The following SCYL1 variants were observed in gnomAD, a reference collection of about 807,000 sequenced individuals.
SCYL1 encodes the protein SCY1 like pseudokinase 1.
Under a neutral mutation model 94.8 loss-of-function variants are expected in SCYL1, and 85 were observed. That is an observed-to-expected ratio of 0.90 (90% confidence interval 0.75 to 1.07). The LOEUF (loss-of-function observed/expected upper bound fraction) is 1.07, where lower values mean the gene tolerates loss of function less well. SCYL1 is among the 50% of genes least tolerant of loss of function. The pLI, the probability that SCYL1 is intolerant of heterozygous loss-of-function variation, is 0.00. For missense variants in SCYL1, 968 were observed against 1,083.3 expected, an observed-to-expected ratio of 0.89 and a Z score of 1.49; for synonymous variants, 459 against 435.5, an observed-to-expected ratio of 1.05 and a Z score of -0.67.
At position 65,538,117 on chromosome 11, in the gene SCYL1, G is replaced by C. The variant is rs1855796490; in HGVS notation, c.2182G>C (p.Gly728Arg). 6.2e-7 allele frequency: 1 copy of C among 1,603,824 alleles called. No individual in the cohort carries two copies. The highest frequency in any genetic ancestry group is 8.5e-7 in the Non-Finnish European group (1 of 1,175,826). ...ACGGCTGGCCAGCGAGTATAACTGG[G>C]GTGGCCCAGAGTCCAGCGACAAGGG... is the stretch of plus-strand genomic sequence containing the variant. ...GTRLASEYNW[G>R]GPESSDKGDP... The change falls in exon 16 of 18, where the codon GGT (glycine) becomes CGT (arginine). Residue 728 changes from glycine (G) to arginine (R), a missense_variant. By Grantham distance (125) the Gly-to-Arg change is moderately radical. This residue lies in a region of SCYL1 where 474 missense variants were observed against 463.6 expected (regional missense o/e 1.02). Coordinates refer to ENST00000270176, the MANE Select transcript of SCYL1 (RefSeq NM_020680.4).
intron 6 of SCYL1, among the ~76,000 whole-genome samples, chr11:65,528,726 A>G (rs1298235634): frequency 1.3e-5 from 2 of 152,082 alleles, no homozygotes; most frequent in African/African-American, 4.8e-5. Context: ...GCACCATTGC[A>G]CTCCAGCCTG....
In SCYL1 at chr11:65,525,088, G is replaced by C. The variant is rs1008625230; in HGVS notation, c.-66G>C. The C allele has an allele frequency of 1.3e-5, 14 of 1,076,674 alleles. No homozygotes were observed. The highest frequency in any genetic ancestry group is 3.5e-5 in the South Asian group (1 of 28,548). 66.7% of individuals were successfully genotyped at this position (1,076,674 alleles called of 1,614,324 possible). A position where few individuals can be genotyped will look rare whatever the true frequency, so the allele number is the denominator to read the frequency against. The stretch of plus-strand genomic sequence containing the variant: ...GCAGGCCCCGCCCCCTCTCCGCCCC[G>C]CCCCGGCTCGGGCGGCCGGAGGACC... On this transcript the variant is annotated 5_prime_UTR_variant, in exon 1 of 18. Transcript: ENST00000270176.
chr11:65,537,905 G>A (rs764288885), intron 15 of SCYL1, 25 bp downstream of exon 15: 1 of 1,580,830 alleles, frequency 6.3e-7, no homozygotes, highest in Non-Finnish European at 8.6e-7. Context: ...GTGGGGAGGT[G>A]TGTGTATGGG....
intron 9 of SCYL1, 120 bp downstream of exon 9, chr11:65,532,925 G>A (rs1855459124): frequency 1.4e-6 from 1 of 734,204 alleles, no homozygotes; most frequent in East Asian, 2.7e-5. Context: ...TCCTTGCTGT[G>A]TGGGTTCAGG....
At position 65,536,643 on chromosome 11, in the gene SCYL1, C is replaced by T. The variant is rs1590742391; in HGVS notation, c.1709C>T (p.Ala570Val). 1.2e-6 allele frequency: 2 copies of T among 1,614,124 alleles called. No individual in the cohort carries two copies. The highest frequency in any genetic ancestry group is 1.7e-6 in the Non-Finnish European group (2 of 1,179,990). The change falls in exon 13 of 18, where the codon GCA becomes GTA. Residue 570 changes from alanine (A) to valine (V), a missense_variant. This residue lies in a region of SCYL1 where 474 missense variants were observed against 463.6 expected (regional missense o/e 1.02). Transcript: ENST00000270176. ...PGMGGAAASW[A>V]GWAVTGVSSL... ...ATGGGAGGAGCCGCAGCTAGCTGGG[C>T]AGGCTGGGCCGTGACCGGGGTCTCC...
intron 9 of SCYL1, among the ~76,000 whole-genome samples, chr11:65,534,297 A>T (rs1855539515): frequency 6.6e-6 from 1 of 152,196 alleles, no homozygotes; most frequent in African/African-American, 2.4e-5. Context: ...CTGTAATCCT[A>T]GCCACTCAGG....
At chr11:65,527,844 A>G (rs975028063) in intron 6 of SCYL1, among the ~76,000 whole-genome samples, 1 of 152,134 alleles carries the variant, frequency 6.6e-6, no homozygotes, top group African/African-American at 2.4e-5. Context: ...GACAAGGGAG[A>G]CTCAACCTGT....
intron 6 of SCYL1, among the ~76,000 whole-genome samples, chr11:65,529,325 GC>G: frequency 6.6e-6 from 1 of 152,324 alleles, no homozygotes; most frequent in South Asian, 2.1e-4. Flanking sequence ...TCCTCGTACG[GC>G]TGGCTCTGCC....
rs768787548 is a variant in SCYL1, at chr11:65,537,078, G to A, written c.1909G>A (p.Asp637Asn). ...GGAGGAGGACAAGGACACAGCAGAG[G>A]ACAGCAGCACTGCTGACAGATGGGA... ...TQEEDKDTAEDSSTADRWDDE... is the reference protein window; with the variant it reads ...TQEEDKDTAENSSTADRWDDE... The change falls in exon 14 of 18, where the codon GAC becomes AAC. Residue 637 changes from aspartate to asparagine, a missense_variant. By Grantham distance (23) the Asp-to-Asn change is conservative. Around this residue, in one of 2 missense-constraint regions of SCYL1, gnomAD observed 474 missense variants for 463.6 expected, o/e 1.02. Transcript: ENST00000270176. 1.2e-6 allele frequency: 2 copies of A among 1,614,174 alleles called. No homozygotes were observed. Among genetic ancestry groups the A allele is most frequent in the Non-Finnish European group, 1.7e-6 (2 of 1,179,992 alleles).
chr11:65,536,672 C>T lies in SCYL1; in HGVS notation c.1738C>T (p.Leu580Phe). 1 of 1,614,094 alleles carries T rather than the reference C, an allele frequency of 6.2e-7. No individual in the cohort carries two copies. Among genetic ancestry groups the T allele is most frequent in the South Asian group, 1.1e-5 (1 of 91,082 alleles). ...CTGGGCCGTGACCGGGGTCTCCTCA[C>T]TCACCTCCAAGCTGATCCGTTCGCA... Reference protein sequence around the residue: ...AGWAVTGVSSLTSKLIRSHPT... With the variant: ...AGWAVTGVSSFTSKLIRSHPT... Residue 580 changes from leucine to phenylalanine, a missense_variant, in exon 13 of 18, where the codon CTC becomes TTC. Leu to Phe is a conservative substitution (Grantham distance 22). Coordinates refer to ENST00000270176, the MANE Select transcript of SCYL1 (RefSeq NM_020680.4).
chr11:65,534,099 T>A (rs961183921), intron 9 of SCYL1, among the ~76,000 whole-genome samples: 12 of 151,928 alleles, frequency 7.9e-5, no homozygotes. Flanking sequence ...GGCATGGTGG[T>A]GGGCGCCTGT....
intron 2 of SCYL1, 47 bp from the exon 3 acceptor site, chr11:65,525,874 T>A: frequency 6.3e-7 from 1 of 1,597,832 alleles, no homozygotes; most frequent in Non-Finnish European, 8.5e-7. Flanking sequence ...TATCTCTCCT[T>A]CCTCTCTGCC....
chr11:65,533,661 TC>T (rs1313237574), intron 9 of SCYL1, among the ~76,000 whole-genome samples: 3 of 152,086 alleles, frequency 2.0e-5, no homozygotes, highest in African/African-American at 2.4e-5. Context: ...ACGCCTATAG[TC>T]CCAGCTACTC....
intron 12 of SCYL1, 71 bp downstream of exon 12, chr11:65,536,405 C>T: frequency 1.3e-6 from 2 of 1,530,408 alleles, no homozygotes. Context: ...GTGTCCCACC[C>T]CCACTGGAGT....
chr11:65,530,193 C>A lies in SCYL1; in HGVS notation c.850-436C>A, dbSNP rs568709237. Among the ~76,000 whole-genome samples, 9 of 152,254 alleles carry A rather than the reference C, an allele frequency of 5.9e-5. No homozygotes were observed. The East Asian group carries it at 1.5e-3, about 26-fold the overall frequency. On this transcript the variant is annotated intron_variant, in intron 6 of 17. Transcript: ENST00000270176. ...CAGGGCAGGGAAACCAAGTAAGCCC[C>A]TTCACCTCTTTGATCTTCAGTTTCC...
intron 14 of SCYL1, 113 bp from the exon 15 acceptor site, chr11:65,537,696 A>G: frequency 1.1e-6 from 1 of 889,116 alleles, no homozygotes; most frequent in Non-Finnish European, 1.7e-6. Flanking sequence ...TGAGGAGCAA[A>G]TGAGGAGGAA....
At chr11:65,525,474 G>T in intron 1 of SCYL1, 100 bp from the exon 2 acceptor site, 2 of 1,421,380 alleles carry the variant, frequency 1.4e-6, no homozygotes, top group South Asian at 2.8e-5. Context: ...CCGGCGAAGT[G>T]TCCCTAAGGC....
chr11:65,538,511 C>G lies in SCYL1; in HGVS notation c.2372C>G (p.Ala791Gly). ...ERRREMEAKR[A>G]ERKVAKGPMK... ...CGGCGGGAGATGGAGGCCAAACGCG[C>G]CGAGAGGAAGGTGGCCAAGGGCCCC... The change falls in exon 18 of 18, where the codon GCC becomes GGC. Residue 791 changes from alanine to glycine, a missense_variant. Transcript: ENST00000270176. The G allele has an allele frequency of 6.2e-7, 1 of 1,608,590 alleles. No homozygotes were observed. Among genetic ancestry groups the G allele is most frequent in the Non-Finnish European group, 8.5e-7 (1 of 1,178,426 alleles).
rs532153378 is a variant in SCYL1 at position 65,534,045 on chromosome 11, G to A, written c.1231-1182G>A. Among the ~76,000 whole-genome samples, 374 of 152,144 alleles carry A rather than the reference G, an allele frequency of 2.5e-3. 1 individual carries two copies. The highest frequency in any genetic ancestry group is 8.5e-3 in the African/African-American group (353 of 41,510). ...AGATCAAGACCATCCTGGCTAACAT[G>A]GTGAAACCCCGTCTCTACTAAAAGT... On this transcript the variant is annotated intron_variant, in intron 9 of 17. Transcript: ENST00000270176.
Sources: allele counts gnomAD v4.1 joint callset (sites outside exome capture counted in the v4.1 genomes callset), GRCh38; gene constraint gnomAD v4.1.1; regional missense constraint gnomAD v4.1.1; transcripts MANE v1.5; gene names NCBI Gene and HGNC (gene_info 2026-07-23, HGNC 2026-07-21).